MSL2: variants seen among roughly 807,000 people sequenced by gnomAD.
The protein encoded by MSL2 is MSL complex subunit 2, also known as E3 ubiquitin-protein ligase MSL2.
MSL2 carries 2 observed loss-of-function variants against 35.8 expected under a neutral mutation model. The observed-to-expected ratio is 0.06, with a 90% CI of 0.02 to 0.18. The LOEUF (loss-of-function observed/expected upper bound fraction) is 0.18. Among genes scored for constraint, MSL2 ranks in the 10% least tolerant of loss-of-function variants. The pLI is 1.00. For missense variants in MSL2, 523 were observed against 706.7 expected, an observed-to-expected ratio of 0.74 and a Z score of 2.95; for synonymous variants, 296 against 255.7, an observed-to-expected ratio of 1.16 and a Z score of -1.50.
chr3:136,188,078 A>G (rs961490347), intron 1 of MSL2, among the ~76,000 whole-genome samples: 1 of 152,196 alleles, frequency 6.6e-6, no homozygotes, highest in Non-Finnish European at 1.5e-5. Flanking sequence ...TCTTCATTCC[A>G]GGTAAACCCA....
At chr3:136,153,291 C>T (rs1211403458) in intron 1 of MSL2, among the ~76,000 whole-genome samples, 1 of 152,110 alleles carries the variant, frequency 6.6e-6, no homozygotes, top group Non-Finnish European at 1.5e-5. Context: ...AATGCTACAA[C>T]ATGCTGAACA....
rs187227831 is a variant in MSL2 at position 136,155,316 on chromosome 3, C to T, written c.143-2578G>A. On this transcript the variant is annotated intron_variant, in intron 1 of 1. Coordinates refer to ENST00000309993, the MANE Select transcript of MSL2 (RefSeq NM_018133.4). Reference sequence around the variant, plus strand: ...CGTCAGGAGTTCAAGACCAGCCTGACCAACATGGTGAAACCCTGTCTCTAC... The same window carrying T: ...CGTCAGGAGTTCAAGACCAGCCTGATCAACATGGTGAAACCCTGTCTCTAC... Among the ~76,000 whole-genome samples, 879 of 151,966 alleles carry T rather than the reference C, an allele frequency of 5.8e-3. 11 individuals are homozygous for T. The highest frequency in any genetic ancestry group is 0.02 in the African/African-American group (824 of 41,452).
chr3:136,158,018 G>T (rs1939582020), intron 1 of MSL2, among the ~76,000 whole-genome samples: 1 of 152,140 alleles, frequency 6.6e-6, no homozygotes, highest in Admixed American at 6.5e-5. Flanking sequence ...CCAGACAAAA[G>T]AAAATACAAA....
At chr3:136,166,799 C>G (rs1450800380) in intron 1 of MSL2, among the ~76,000 whole-genome samples, 2 of 152,206 alleles carry the variant, frequency 1.3e-5, no homozygotes, top group Admixed American at 6.5e-5. Flanking sequence ...GTTATCAGTA[C>G]TCTTGGAAAA....
At chr3:136,167,201 A>G (rs564700111) in intron 1 of MSL2, among the ~76,000 whole-genome samples, 90 of 152,326 alleles carry the variant, frequency 5.9e-4, no homozygotes, top group Admixed American at 2.4e-3. Flanking sequence ...AAAATGTAAC[A>G]TGGACAAATT....
Position 136,195,685 on chromosome 3 carries a change from G to C in MSL2, c.-572C>G, listed in dbSNP as rs1940823137. The C allele has an allele frequency of 2.0e-6, 2 of 985,430 alleles. No homozygotes were observed. Among genetic ancestry groups the C allele is most frequent in the Non-Finnish European group, 2.4e-6 (2 of 829,944 alleles). 61.0% of individuals were successfully genotyped at this position (985,430 alleles called of 1,614,324 possible). On this transcript the variant is annotated 5_prime_UTR_variant, in exon 1 of 2. The change creates a new upstream start codon in the 5' untranslated region. Coordinates refer to ENST00000309993, the MANE Select transcript of MSL2 (RefSeq NM_018133.4). Reference sequence around the variant, plus strand: ...AGACGCCGCGGCGGCGACGAAGGTTGATGTTGCGGCTGGCGGACGCCGCCG... The same window carrying C: ...AGACGCCGCGGCGGCGACGAAGGTTCATGTTGCGGCTGGCGGACGCCGCCG...
At chr3:136,193,153 T>C (rs1050059687) in intron 1 of MSL2, among the ~76,000 whole-genome samples, 1 of 152,194 alleles carries the variant, frequency 6.6e-6, no homozygotes, top group Non-Finnish European at 1.5e-5. Flanking sequence ...TTAAATGTAG[T>C]GGGTTTTTTT....
At chr3:136,172,950 G>C (rs1356710107) in intron 1 of MSL2, among the ~76,000 whole-genome samples, 1 of 152,130 alleles carries the variant, frequency 6.6e-6, no homozygotes, top group Non-Finnish European at 1.5e-5. Context: ...GATCACTTGA[G>C]GTCAGGAGTT....
Position 136,195,426 on chromosome 3 carries a change from A to G in MSL2, c.-313T>C. 9.0e-7 allele frequency: 1 copy of G among 1,114,502 alleles called. No homozygotes were observed. Among genetic ancestry groups the G allele is most frequent in the Non-Finnish European group, 1.1e-6 (1 of 910,118 alleles). The allele number at this position is 1,114,502 out of a possible 1,614,324, so 69.0% of individuals were successfully genotyped here. A position where few individuals can be genotyped will look rare whatever the true frequency, so the allele number is the denominator to read the frequency against. The stretch of plus-strand genomic sequence containing the variant: ...CTTGGGCGCTCGGGGCGGGACTCGG[A>G]GCTCAGTCTAGCCCCGCGGCTCGGC... On this transcript the variant is annotated 5_prime_UTR_variant, in exon 1 of 2. Transcript: ENST00000309993.
chr3:136,159,354 CTTTTTT>C (rs71157361), intron 1 of MSL2, among the ~76,000 whole-genome samples: 20 of 70,062 alleles, frequency 2.9e-4, no homozygotes, highest in Admixed American at 1.6e-3. Flanking sequence ...AGAGTACTTT[CTTTTTT>C]TTTTTTTTTT....
chr3:136,166,331 TG>T (rs978249809), intron 1 of MSL2, among the ~76,000 whole-genome samples: 10 of 151,450 alleles, frequency 6.6e-5, no homozygotes, highest in Non-Finnish European at 8.8e-5. Context: ...GAGGTGGCAG[TG>T]AGACAAGATC....
intron 1 of MSL2, among the ~76,000 whole-genome samples, chr3:136,189,119 A>C (rs1940608444): frequency 3.5e-5 from 3 of 85,980 alleles, no homozygotes; most frequent in South Asian, 4.0e-4. Flanking sequence ...AAAAAAAAAA[A>C]AAAAAAAAAA....
chr3:136,150,147 T>C lies in MSL2; in HGVS notation c.*1000A>G, dbSNP rs1032341153. ...CAGGCTTTATAAAAAGGCATTCTTA[T>C]TAGGCCTCTATAAAGAAGCCTTCAT... On this transcript the variant is annotated 3_prime_UTR_variant, in exon 2 of 2. Coordinates refer to ENST00000309993, the MANE Select transcript of MSL2 (RefSeq NM_018133.4). 2.6e-5 allele frequency: 4 copies of C among 152,598 alleles called. No individual in the cohort carries two copies. The highest frequency in any genetic ancestry group is 9.7e-5 in the African/African-American group (4 of 41,428). The allele number at this position is 152,598 out of a possible 1,614,324, so 9.5% of individuals were successfully genotyped here.
chr3:136,157,936 C>T (rs1233191717), intron 1 of MSL2, among the ~76,000 whole-genome samples: 1 of 152,202 alleles, frequency 6.6e-6, no homozygotes, highest in Non-Finnish European at 1.5e-5. Context: ...AACACCCAAA[C>T]ATAGAGGAGG....
chr3:136,188,263 G>A (rs1162954153), intron 1 of MSL2, among the ~76,000 whole-genome samples: 9 of 151,872 alleles, frequency 5.9e-5, no homozygotes, highest in Admixed American at 2.0e-4. Flanking sequence ...GTGAAACTCC[G>A]TGTCTACTAA....
intron 1 of MSL2, among the ~76,000 whole-genome samples, chr3:136,179,451 G>A (rs940561217): frequency 2.0e-5 from 3 of 152,086 alleles, no homozygotes; most frequent in African/African-American, 7.2e-5. Flanking sequence ...TCAAGTGCTG[G>A]GATTACAGCA....
chr3:136,187,482 G>A (rs753460859), intron 1 of MSL2, among the ~76,000 whole-genome samples: 3 of 151,942 alleles, frequency 2.0e-5, no homozygotes, highest in Non-Finnish European at 4.4e-5. Context: ...GGCCAACATG[G>A]TGAAACCCTG....
At chr3:136,169,200 G>A (rs1939938925) in intron 1 of MSL2, among the ~76,000 whole-genome samples, 1 of 125,714 alleles carries the variant, frequency 8.0e-6, no homozygotes, top group African/African-American at 3.0e-5. Context: ...TACCATGGGG[G>A]CATGGCTTGT....
intron 1 of MSL2, among the ~76,000 whole-genome samples, chr3:136,167,776 T>C (rs1242454127): frequency 1.3e-5 from 2 of 152,162 alleles, no homozygotes; most frequent in African/African-American, 4.8e-5. Flanking sequence ...TCAAATCTTA[T>C]AATACTTAAA....
Sources: allele counts gnomAD v4.1 joint callset (sites outside exome capture counted in the v4.1 genomes callset), GRCh38; gene constraint gnomAD v4.1.1; transcripts MANE v1.5; gene names NCBI Gene and HGNC (gene_info 2026-07-23, HGNC 2026-07-21).